DPP10: variants seen among roughly 807,000 people sequenced by gnomAD.
DPP10 encodes inactive dipeptidyl peptidase 10.
A neutral mutation model predicts 120.9 loss-of-function variants in DPP10; 33 were observed. That is an observed-to-expected ratio of 0.27 (90% CI 0.21 to 0.37). The LOEUF is 0.37. DPP10 is among the 10% of genes least tolerant of loss of function. The pLI is 1.00. For synonymous variants in DPP10, 337 were observed against 326.1 expected (o/e 1.03, Z -0.36); for missense variants, 816 against 942.8 (o/e 0.87, Z 1.76).
chr2:115,336,873 A>C (rs2063172695), intron 2 of DPP10, among the ~76,000 whole-genome samples: 1 of 152,008 alleles, frequency 6.6e-6, no homozygotes, highest in Non-Finnish European at 1.5e-5. Context: ...TGAGTGATTG[A>C]GATGAATGAT....
At chr2:115,510,449 A>G (rs1292590959) in intron 4 of DPP10, among the ~76,000 whole-genome samples, 2 of 152,100 alleles carry the variant, frequency 1.3e-5, no homozygotes. Flanking sequence ...CCCTTCTCAA[A>G]TGTCAGCTGA....
chr2:115,716,122 G>A lies in DPP10; in HGVS notation c.577-11694G>A, dbSNP rs182561729. ...ATTTGGTTTTTCTTCTTTGTGGAAC[G>A]TGTAGTAACCCAGTATTGTTGTTGT... On this transcript the variant is annotated intron_variant, in intron 7 of 25. Coordinates refer to ENST00000410059, the MANE Select transcript of DPP10 (RefSeq NM_020868.6). Among the ~76,000 whole-genome samples, 624 of 152,288 alleles carry A rather than the reference G, an allele frequency of 4.1e-3. 20 individuals are homozygous for A. Among genetic ancestry groups the A allele is most frequent in the Non-Finnish European group, 1.6e-3 (111 of 68,026 alleles).
At chr2:115,669,675 A>T (rs1336092362) in intron 5 of DPP10, among the ~76,000 whole-genome samples, 3 of 152,122 alleles carry the variant, frequency 2.0e-5, no homozygotes, top group African/African-American at 7.2e-5. Flanking sequence ...ATGAAAGTGC[A>T]GCCAGAAATA....
intron 5 of DPP10, among the ~76,000 whole-genome samples, chr2:115,554,303 ACAAGAGAAT>A (rs1209895977): frequency 2.6e-5 from 4 of 151,780 alleles, no homozygotes; most frequent in Admixed American, 1.3e-4. Context: ...AGAGATAGAG[ACAAGAGAAT>A]CAAGTTTCTA....
intron 1 of DPP10, among the ~76,000 whole-genome samples, chr2:115,113,130 A>G (rs185235816): frequency 3.8e-4 from 58 of 152,140 alleles, no homozygotes; most frequent in Admixed American, 1.4e-3. Flanking sequence ...TAAATTTTAT[A>G]TAATCATAAC....
In DPP10 at chr2:115,110,778, T is replaced by G. The variant is rs147179492; in HGVS notation, c.61-198461T>G. ...AGTTTAAATAAATATTTTGATTTTT[T>G]TCCCCTGATTTACTAGCTTTAGATA... On this transcript the variant is annotated intron_variant, in intron 1 of 25. Transcript: ENST00000410059. 8.7e-3 allele frequency among the ~76,000 whole-genome samples: 1,318 copies of G among 152,212 alleles called. 27 individuals are homozygous for G. The highest frequency in any genetic ancestry group is 0.03 in the African/African-American group (1,262 of 41,556).
intron 1 of DPP10, among the ~76,000 whole-genome samples, chr2:115,259,193 A>G (rs1375028266): frequency 1.3e-5 from 2 of 152,122 alleles, no homozygotes; most frequent in Non-Finnish European, 2.9e-5. Flanking sequence ...AGGAATAGCA[A>G]AAGGCCGGGT....
chr2:114,473,335 C>T (rs1319579281), intron 1 of DPP10, among the ~76,000 whole-genome samples: 1 of 152,030 alleles, frequency 6.6e-6, no homozygotes, highest in East Asian at 1.9e-4. Context: ...ATAATGGTGC[C>T]CCTGAAAAAA....
intron 1 of DPP10, among the ~76,000 whole-genome samples, chr2:114,877,442 CA>C (rs1691247577): frequency 6.6e-6 from 1 of 152,000 alleles, no homozygotes; most frequent in African/African-American, 2.4e-5. Context: ...AAGCAGAAAA[CA>C]TAGATACTTG....
intron 1 of DPP10, among the ~76,000 whole-genome samples, chr2:115,223,122 A>C (rs1036919284): frequency 4.6e-5 from 7 of 152,102 alleles, no homozygotes; most frequent in Admixed American, 1.3e-4. Flanking sequence ...AAGCCAGTGC[A>C]TTATTTTTGG....
At chr2:115,335,147 G>A (rs549137976) in intron 2 of DPP10, among the ~76,000 whole-genome samples, 5 of 151,886 alleles carry the variant, frequency 3.3e-5, no homozygotes, top group Non-Finnish European at 7.4e-5. Flanking sequence ...TTTTAAAACC[G>A]TGAGATCTCA....
rs537164393 is a variant in DPP10, at chr2:114,704,539, G to A, written c.60+261701G>A. ...AATAGTTAATAGTTATCTCAAAAGA[G>A]GATGTTGACAGATTTCAACCATTTG... is the stretch of plus-strand genomic sequence containing the variant. On this transcript the variant is annotated intron_variant, in intron 1 of 25. Coordinates refer to ENST00000410059, the MANE Select transcript of DPP10 (RefSeq NM_020868.6). 1.9e-3 allele frequency among the ~76,000 whole-genome samples: 283 copies of A among 152,272 alleles called. 2 individuals carry two copies. Among genetic ancestry groups the A allele is most frequent in the African/African-American group, 6.4e-3 (266 of 41,556 alleles).
chr2:114,902,492 G>C (rs1420533676), intron 1 of DPP10, among the ~76,000 whole-genome samples: 2 of 152,102 alleles, frequency 1.3e-5, no homozygotes. Context: ...AATAAGCCTT[G>C]ATGTCAAGTT....
chr2:114,778,561 C>T (rs1391904972), intron 1 of DPP10, among the ~76,000 whole-genome samples: 1 of 152,034 alleles, frequency 6.6e-6, no homozygotes, highest in African/African-American at 2.4e-5. Context: ...CTTCATCCAT[C>T]TAATGGCTTT....
chr2:115,318,286 C>G (rs749395676), intron 2 of DPP10, among the ~76,000 whole-genome samples: 4 of 152,104 alleles, frequency 2.6e-5, no homozygotes, highest in Non-Finnish European at 5.9e-5. Context: ...TCATTCATCT[C>G]TATATCTGTC....
intron 1 of DPP10, among the ~76,000 whole-genome samples, chr2:114,663,644 T>G (rs1354013459): frequency 2.7e-5 from 2 of 73,300 alleles, no homozygotes; most frequent in African/African-American, 1.2e-4. Context: ...TGTACAGATA[T>G]ATATATATAT....
chr2:115,348,371 G>A (rs770885797), intron 3 of DPP10, among the ~76,000 whole-genome samples: 10 of 152,112 alleles, frequency 6.6e-5, no homozygotes, highest in Non-Finnish European at 1.3e-4. Flanking sequence ...AGCATTGATA[G>A]TATGTGATAT....
At chr2:114,843,119 C>T (rs1688287240) in intron 1 of DPP10, among the ~76,000 whole-genome samples, 1 of 152,124 alleles carries the variant, frequency 6.6e-6, no homozygotes, top group Non-Finnish European at 1.5e-5. Flanking sequence ...GACCTAATGG[C>T]ATTTGCCATC....
At chr2:115,212,762 A>G (rs891657504) in intron 1 of DPP10, among the ~76,000 whole-genome samples, 2 of 152,200 alleles carry the variant, frequency 1.3e-5, no homozygotes, top group African/African-American at 4.8e-5. Context: ...TTGCATCAGT[A>G]TATGTGTACA....
Sources: gnomAD v4.1 joint callset for allele counts (sites outside exome capture counted in the v4.1 genomes callset) on GRCh38, gnomAD v4.1.1 for gene constraint, MANE v1.5 for transcripts, NCBI Gene and HGNC (gene_info 2026-07-23, HGNC 2026-07-21) for gene names.